SLX4IP: variants seen among roughly 807,000 people sequenced by gnomAD.
SLX4IP encodes protein SLX4IP.
SLX4IP carries 34 observed loss-of-function variants against 32.9 expected under a neutral mutation model. The observed-to-expected ratio is 1.03, with a 90% CI of 0.79 to 1.38. The LOEUF (loss-of-function observed/expected upper bound fraction) is 1.38. Ranked by LOEUF, SLX4IP falls within the 40% of genes most tolerant of loss-of-function variation. SLX4IP has a pLI of 0.00. For missense variants in SLX4IP, 444 were observed against 479.0 expected (o/e 0.93, Z 0.68); for synonymous variants, 172 against 171.7 (o/e 1.00, Z -0.01).
intron 6 of SLX4IP, among the ~76,000 whole-genome samples, chr20:10,615,560 C>T (rs1236725543): frequency 1.3e-5 from 2 of 152,182 alleles, no homozygotes; most frequent in Non-Finnish European, 2.9e-5. Flanking sequence ...TTTGTGTCTA[C>T]AGCTCAGACC....
At chr20:10,442,510 C>T (rs545776487) in intron 1 of SLX4IP, among the ~76,000 whole-genome samples, 4 of 152,238 alleles carry the variant, frequency 2.6e-5, no homozygotes, top group African/African-American at 9.6e-5. Flanking sequence ...GAAGATGAGG[C>T]ATCATTTGTA....
rs1455961805 is a variant in SLX4IP at position 10,600,238 on chromosome 20, T to C, written c.316+1486T>C. On this transcript the variant is annotated intron_variant, in intron 5 of 7. Coordinates refer to ENST00000334534, the MANE Select transcript of SLX4IP (RefSeq NM_001009608.3). ...CCTCTAGTCACCTAGCCAGATATCA[T>C]ATGCCCACATGGGGTCAAAGTTGAA... Among the ~76,000 whole-genome samples the C allele has an allele frequency of 2.0e-5, 3 of 152,180 alleles. No individual in the cohort carries two copies. The East Asian group carries it at 5.8e-4, about 29-fold the overall frequency.
At chr20:10,570,479 G>T (rs1462091911) in intron 4 of SLX4IP, among the ~76,000 whole-genome samples, 1 of 152,122 alleles carries the variant, frequency 6.6e-6, no homozygotes. Flanking sequence ...ATGTACTCTG[G>T]GCATCGTGTA....
At chr20:10,557,735 G>T (rs2066282423) in intron 3 of SLX4IP, among the ~76,000 whole-genome samples, 1 of 152,148 alleles carries the variant, frequency 6.6e-6, no homozygotes, top group South Asian at 2.1e-4. Flanking sequence ...TGTTAATATT[G>T]AGTCCGTTTT....
chr20:10,464,457 G>C (rs1284752261), intron 2 of SLX4IP, among the ~76,000 whole-genome samples: 1 of 152,148 alleles, frequency 6.6e-6, no homozygotes, highest in African/African-American at 2.4e-5. Flanking sequence ...CAGGAGGGAG[G>C]ATCACTTGAG....
At chr20:10,569,114 T>G (rs1039666433) in intron 4 of SLX4IP, among the ~76,000 whole-genome samples, 1 of 152,044 alleles carries the variant, frequency 6.6e-6, no homozygotes, top group Admixed American at 6.6e-5. Flanking sequence ...TAAGTCCGTG[T>G]ACTGACCCAA....
intron 2 of SLX4IP, among the ~76,000 whole-genome samples, chr20:10,533,653 T>G (rs2066010860): frequency 1.4e-5 from 2 of 142,980 alleles, no homozygotes; most frequent in South Asian, 4.4e-4. Flanking sequence ...AGGGTCTGGC[T>G]CTGTCACCCA....
chr20:10,454,386 G>T (rs2065267971), intron 1 of SLX4IP, among the ~76,000 whole-genome samples: 1 of 151,004 alleles, frequency 6.6e-6, no homozygotes, highest in South Asian at 2.1e-4. Flanking sequence ...GTATGGGCAG[G>T]GTAGAGAGGC....
intron 2 of SLX4IP, among the ~76,000 whole-genome samples, chr20:10,526,367 A>T (rs1334448803): frequency 6.6e-6 from 1 of 152,170 alleles, no homozygotes; most frequent in African/African-American, 2.4e-5. Context: ...GGTGTATGAG[A>T]ATCATTGGGT....
intron 4 of SLX4IP, among the ~76,000 whole-genome samples, chr20:10,572,894 C>T (rs1430352269): frequency 2.0e-5 from 3 of 152,330 alleles, no homozygotes; most frequent in Non-Finnish European, 2.9e-5. Context: ...TCCCAAGCAG[C>T]GTTCTGTGGT....
chr20:10,495,049 C>T (rs972543001), intron 2 of SLX4IP, among the ~76,000 whole-genome samples: 1 of 152,144 alleles, frequency 6.6e-6, no homozygotes, highest in African/African-American at 2.4e-5. Flanking sequence ...AATCATTCCA[C>T]ATTTTTCCCA....
At position 10,500,512 on chromosome 20, in the gene SLX4IP, A is replaced by G. The variant is rs148000678; in HGVS notation, c.27+42281A>G. ...ATACCTATAGTTCTAGCACTTTGGG[A>G]GGCTGAGGCAGGTGGATCCTTTGAG... On this transcript the variant is annotated intron_variant, in intron 2 of 7. Coordinates refer to ENST00000334534, the MANE Select transcript of SLX4IP (RefSeq NM_001009608.3). Among the ~76,000 whole-genome samples the G allele has an allele frequency of 4.2e-4, 64 of 152,226 alleles. No individual in the cohort carries two copies. The East Asian group carries it at 0.01, about 24-fold the overall frequency.
intron 2 of SLX4IP, among the ~76,000 whole-genome samples, chr20:10,510,614 T>A (rs1054519084): frequency 9.3e-5 from 14 of 149,810 alleles, no homozygotes; most frequent in African/African-American, 2.4e-4. Flanking sequence ...TTATTATTTT[T>A]TTTTTTTTTG....
chr20:10,466,626 G>A (rs148149262), intron 2 of SLX4IP, among the ~76,000 whole-genome samples: 122 of 152,228 alleles, frequency 8.0e-4, no homozygotes, highest in African/African-American at 2.8e-3. Context: ...TCTGGAATGT[G>A]CATCTGGCTT....
At chr20:10,499,470 A>G (rs1011984658) in intron 2 of SLX4IP, among the ~76,000 whole-genome samples, 1 of 152,206 alleles carries the variant, frequency 6.6e-6, no homozygotes, top group Non-Finnish European at 1.5e-5. Flanking sequence ...GTAAATCAGT[A>G]AGCTGATTTC....
chr20:10,469,343 A>G (rs946804789), intron 2 of SLX4IP, among the ~76,000 whole-genome samples: 1 of 151,972 alleles, frequency 6.6e-6, no homozygotes, highest in Non-Finnish European at 1.5e-5. Context: ...ATCTCAACCT[A>G]TTTCTCCTTT....
At chr20:10,580,719 A>C (rs897628563) in intron 4 of SLX4IP, among the ~76,000 whole-genome samples, 5 of 151,890 alleles carry the variant, frequency 3.3e-5, no homozygotes, top group African/African-American at 1.2e-4. Context: ...CGGTTCGATT[A>C]TTACTATTTG....
At chr20:10,459,585 G>A (rs564381621) in intron 2 of SLX4IP, among the ~76,000 whole-genome samples, 3 of 152,258 alleles carry the variant, frequency 2.0e-5, no homozygotes, top group Admixed American at 1.3e-4. Flanking sequence ...CATATTCCAT[G>A]TCCATGGCTT....
At chr20:10,586,917 C>T (rs2066652730) in intron 4 of SLX4IP, among the ~76,000 whole-genome samples, 1 of 152,024 alleles carries the variant, frequency 6.6e-6, no homozygotes, top group African/African-American at 2.4e-5. Flanking sequence ...AAAGAAAGCA[C>T]CAGGTCTGGA....
Sources: gnomAD v4.1 joint callset for allele counts (sites outside exome capture counted in the v4.1 genomes callset) on GRCh38, gnomAD v4.1.1 for gene constraint, MANE v1.5 for transcripts, NCBI Gene and HGNC (gene_info 2026-07-23, HGNC 2026-07-21) for gene names.